THBS1: variants seen among roughly 807,000 people sequenced by gnomAD.
THBS1 encodes the protein thrombospondin 1, also known as thrombospondin-1.
In THBS1, 29 loss-of-function variants were observed where a neutral mutation model predicts 126.1. The ratio of observed to expected loss-of-function variants is 0.23; its 90% CI spans 0.17 to 0.31. The LOEUF (loss-of-function observed/expected upper bound fraction) is 0.31. Among genes scored for constraint, THBS1 ranks in the 10% least tolerant of loss-of-function variants. The probability of loss-of-function intolerance (pLI) is 1.00; values close to 1 mark genes in which losing one functional copy is unlikely to be tolerated. For synonymous variants in THBS1, 496 were observed against 577.8 expected, an observed-to-expected ratio of 0.86 and a Z score of 2.03; for missense variants, 1,198 against 1,545.2, an observed-to-expected ratio of 0.78 and a Z score of 3.77.
chr15:39,593,990 C>G lies in THBS1; in HGVS notation c.3268-109C>G. The G allele has an allele frequency of 1.6e-6, 2 of 1,223,980 alleles. No individual in the cohort carries two copies. The highest frequency in any genetic ancestry group is 1.1e-6 in the Non-Finnish European group (1 of 883,842). The allele number at this position is 1,223,980 out of a possible 1,614,324, so 75.8% of individuals were successfully genotyped here. ...TGGAAAAATTCCCCATTGCAGCCCT[C>G]TAACTTAGATCAGCTCAGTACCTTT... is the stretch of plus-strand genomic sequence containing the variant. On this transcript the variant is annotated intron_variant, in intron 19 of 21. Coordinates refer to ENST00000260356, the MANE Select transcript of THBS1 (RefSeq NM_003246.4). The surrounding 1 kb of genome is among the most constrained non-coding windows in gnomAD (Gnocchi z 5.9).
At position 39,594,232 on chromosome 15, in the gene THBS1, C is replaced by T. The variant is rs767988079; in HGVS notation, c.3365+36C>T. ...ACTGATTCACTTTCACTTACAGTCA[C>T]ACTGAGGGACAAAAAGACAAAAAGT... On this transcript the variant is annotated intron_variant, in intron 20 of 21. Coordinates refer to ENST00000260356, the MANE Select transcript of THBS1 (RefSeq NM_003246.4). The surrounding 1 kb of genome is among the most constrained non-coding windows in gnomAD (Gnocchi z 4.4). 2 of 1,613,708 alleles carry T rather than the reference C, an allele frequency of 1.2e-6. No homozygotes were observed. The highest frequency in any genetic ancestry group is 8.5e-7 in the Non-Finnish European group (1 of 1,179,686).
chr15:39,595,838 G>T lies in THBS1; in HGVS notation c.*469G>T, dbSNP rs1890428796. 2.2e-6 allele frequency: 1 copy of T among 458,444 alleles called. No individual in the cohort carries two copies. The highest frequency in any genetic ancestry group is 1.5e-5 in the South Asian group (1 of 64,582). The allele number at this position is 458,444 out of a possible 1,614,324, so 28.4% of individuals were successfully genotyped here. ...GCAGAGGCCAAAGCACTAAGGGGAG[G>T]GCGCATACCCGAGACGATTGTATGA... On this transcript the variant is annotated 3_prime_UTR_variant, in exon 22 of 22. Coordinates refer to ENST00000260356, the MANE Select transcript of THBS1 (RefSeq NM_003246.4).
At chr15:39,583,294 C>A (rs1313638770) in intron 3 of THBS1, among the ~76,000 whole-genome samples, 1 of 152,194 alleles carries the variant, frequency 6.6e-6, no homozygotes, top group Non-Finnish European at 1.5e-5. Context: ...TGGCTTTGAA[C>A]TCCCACATTT....
chr15:39,591,120 T>A lies in THBS1; in HGVS notation c.2254-71T>A, dbSNP rs865804045. 190 of 1,530,182 alleles carry A rather than the reference T, an allele frequency of 1.2e-4. No individual in the cohort carries two copies. The Middle Eastern group carries it at 1.4e-3, about 11-fold the overall frequency. The allele number at this position is 1,530,182 out of a possible 1,614,324, so 94.8% of individuals were successfully genotyped here. A position where few individuals can be genotyped will look rare whatever the true frequency, so the allele number is the denominator to read the frequency against. ...GATTTTCACAGTTTTAGACATATTATGCACATGGTTTGAGGCTTGAGCTGT... is the reference window on the plus strand; with the variant it reads ...GATTTTCACAGTTTTAGACATATTAAGCACATGGTTTGAGGCTTGAGCTGT... On this transcript the variant is annotated intron_variant, in intron 14 of 21. Coordinates refer to ENST00000260356, the MANE Select transcript of THBS1 (RefSeq NM_003246.4).
chr15:39,591,223 G>C lies in THBS1; in HGVS notation c.2286G>C (p.Gln762His), dbSNP rs749280837. 3 of 1,614,162 alleles carry C rather than the reference G, an allele frequency of 1.9e-6. No homozygotes were observed. Among genetic ancestry groups the C allele is most frequent in the Non-Finnish European group, 2.5e-6 (3 of 1,180,028 alleles). The part of the protein sequence containing the change: ...DNCPFHYNPA[Q>H]YDYDRDDVGD... ...GTCCATTCCATTACAACCCAGCTCAGTATGACTATGACAGAGATGATGTGG... is the reference window on the plus strand; with the variant it reads ...GTCCATTCCATTACAACCCAGCTCACTATGACTATGACAGAGATGATGTGG... The change falls in exon 15 of 22, where the codon CAG becomes CAC. Residue 762 changes from glutamine (Q) to histidine (H), a missense_variant. By Grantham distance (24) the Gln-to-His change is conservative (BLOSUM62 0). Coordinates refer to ENST00000260356, the MANE Select transcript of THBS1 (RefSeq NM_003246.4).
chr15:39,584,685 C>T lies in THBS1; in HGVS notation c.1026+263C>T, dbSNP rs116735353. On this transcript the variant is annotated intron_variant, in intron 6 of 21. Coordinates refer to ENST00000260356, the MANE Select transcript of THBS1 (RefSeq NM_003246.4). ...TAAGACATCTGAATAATTTACCTAC[C>T]TTAGTTCAAAGACTAAGTGTTGAAT... 9.3e-3 allele frequency among the ~76,000 whole-genome samples: 1,417 copies of T among 152,246 alleles called. 26 individuals carry two copies. Among genetic ancestry groups the T allele is most frequent in the African/African-American group, 0.032 (1,334 of 41,532 alleles).
chr15:39,589,940 A>T lies in THBS1; in HGVS notation c.2062A>T (p.Ile688Phe), dbSNP rs775398834. The part of the protein sequence containing the change: ...CKPGYAGNGI[I>F]CGEDTDLDGW... Reference sequence around the variant, plus strand: ...GCCTGGCTACGCTGGCAATGGCATCATCTGCGGGGAGGACACAGACCTGGA... The same window carrying T: ...GCCTGGCTACGCTGGCAATGGCATCTTCTGCGGGGAGGACACAGACCTGGA... The change falls in exon 13 of 22, where the codon ATC (isoleucine) becomes TTC (phenylalanine). Residue 688 changes from isoleucine (I) to phenylalanine (F), a missense_variant. This residue lies in a region of THBS1 where 663 missense variants were observed against 860.1 expected (regional missense o/e 0.77). Transcript: ENST00000260356. This position sits in a 1 kb window ranked among gnomAD's most constrained non-coding sequence, Gnocchi z 4.7. 2 of 1,614,142 alleles carry T rather than the reference A, an allele frequency of 1.2e-6. No homozygotes were observed. Among genetic ancestry groups the T allele is most frequent in the East Asian group, 4.5e-5 (2 of 44,876 alleles).
chr15:39,590,576 G>A lies in THBS1; in HGVS notation c.2206G>A (p.Asp736Asn). 2.5e-6 allele frequency: 4 copies of A among 1,613,926 alleles called. No homozygotes were observed. Among genetic ancestry groups the A allele is most frequent in the Non-Finnish European group, 3.4e-6 (4 of 1,179,970 alleles). Residue 736 changes from aspartate to asparagine, a missense_variant, in exon 14 of 22, where the codon GAT (aspartate) becomes AAT (asparagine). Transcript: ENST00000260356. ...QEDYDKDGIG[D>N]ACDDDDDNDK... ...AGACTATGACAAGGATGGAATTGGT[G>A]ATGCCTGTGATGATGACGATGACAA...
rs1017746076 is a variant in THBS1 at position 39,597,014 on chromosome 15, A to G, written c.*1645A>G. 7 of 152,242 alleles carry G rather than the reference A, an allele frequency of 4.6e-5. No individual in the cohort carries two copies. The highest frequency in any genetic ancestry group is 8.8e-5 in the Non-Finnish European group (6 of 68,044). The allele number at this position is 152,242 out of a possible 1,614,324, so 9.4% of individuals were successfully genotyped here. A position where few individuals can be genotyped will look rare whatever the true frequency, so the allele number is the denominator to read the frequency against. Reference sequence around the variant, plus strand: ...GTTGTACATAGCATAAAAACTCTGCAGAGAAGTATTCCCAATAAGGAAATA... The same window carrying G: ...GTTGTACATAGCATAAAAACTCTGCGGAGAAGTATTCCCAATAAGGAAATA... On this transcript the variant is annotated 3_prime_UTR_variant, in exon 22 of 22. Coordinates refer to ENST00000260356, the MANE Select transcript of THBS1 (RefSeq NM_003246.4).
At position 39,593,970 on chromosome 15, in the gene THBS1, A is replaced by T. The variant is rs940545251; in HGVS notation, c.3268-129A>T. 8 of 1,033,470 alleles carry T rather than the reference A, an allele frequency of 7.7e-6. No homozygotes were observed. The highest frequency in any genetic ancestry group is 9.7e-6 in the Non-Finnish European group (7 of 720,526). 64.0% of individuals were successfully genotyped at this position (1,033,470 alleles called of 1,614,324 possible). On this transcript the variant is annotated intron_variant, in intron 19 of 21. Transcript: ENST00000260356. The surrounding 1 kb of genome is among the most constrained non-coding windows in gnomAD (Gnocchi z 5.9). ...ACAACAAATATGAGAGGACTTGGAA[A>T]AATTCCCCATTGCAGCCCTCTAACT...
rs3138595 is a variant in THBS1 at position 39,581,639 on chromosome 15, C to CCTCTCTCTCTCTCTCTCTCTCTCT, written c.-29-184_-29-161dup. On this transcript the variant is annotated intron_variant, in intron 1 of 21. Transcript: ENST00000260356. ...TTAAAACCAGCATCTCTTTCCTCCA[C>CCTCTCTCTCTCTCTCTCTCTCTCT]CTCTCTCTCTCTCTCTCTCTCTCTC... The CCTCTCTCTCTCTCTCTCTCTCTCT allele has an allele frequency of 5.7e-4, 207 of 366,028 alleles. 3 individuals are homozygous for CCTCTCTCTCTCTCTCTCTCTCTCT. The highest frequency in any genetic ancestry group is 4.5e-3 in the African/African-American group (166 of 36,484). The allele number at this position is 366,028 out of a possible 1,614,324, so 22.7% of individuals were successfully genotyped here. A position where few individuals can be genotyped will look rare whatever the true frequency, so the allele number is the denominator to read the frequency against.
intron 6 of THBS1, 30 bp downstream of exon 6, chr15:39,584,452 A>C: frequency 6.2e-7 from 1 of 1,612,202 alleles, no homozygotes; most frequent in Non-Finnish European, 8.5e-7. Flanking sequence ...CAGAATAAGA[A>C]TCGACGGCTT....
At chr15:39,591,119 A>T in intron 14 of THBS1, 72 bp from the exon 15 acceptor site, 1 of 1,525,770 alleles carries the variant, frequency 6.6e-7, no homozygotes, top group Non-Finnish European at 9.0e-7. Flanking sequence ...TAGACATATT[A>T]TGCACATGGT....
At position 39,590,017 on chromosome 15, in the gene THBS1, C is replaced by G; in HGVS notation, c.2139C>G (p.Cys713Trp). Residue 713 changes from cysteine to tryptophan, a missense_variant, in exon 13 of 22, where the codon TGC becomes TGG. Cys to Trp is a radical substitution (Grantham distance 215). This residue lies in a region of THBS1 where 663 missense variants were observed against 860.1 expected (regional missense o/e 0.77). Coordinates refer to ENST00000260356, the MANE Select transcript of THBS1 (RefSeq NM_003246.4). ...LVCVANATYH[C>W]KKDNCPNLPN... ...GCGTGGCCAATGCGACTTACCACTG[C>G]AAAAAGGTAGAGCCAGGTCCTTTGT... is the stretch of plus-strand genomic sequence containing the variant. 1 of 1,596,280 alleles carries G rather than the reference C, an allele frequency of 6.3e-7. No individual in the cohort carries two copies. The highest frequency in any genetic ancestry group is 8.5e-7 in the Non-Finnish European group (1 of 1,171,754).
rs1205641480 is a variant in THBS1, at chr15:39,594,319, G to A, written c.3384G>A (p.Gly1128=). ...CCTGCAGAGTGGTGATGTATGAAGG[G>A]AAGAAAATCATGGCTGACTCAGGAC... is the stretch of plus-strand genomic sequence containing the variant. The part of the protein sequence containing the change: ...TGFIRVVMYE[G]KKIMADSGPI... Residue 1128 remains glycine, a synonymous_variant, in exon 21 of 22, where the codon GGG becomes GGA. Transcript: ENST00000260356. This position sits in a 1 kb window ranked among gnomAD's most constrained non-coding sequence, Gnocchi z 4.4. 1.2e-6 allele frequency: 2 copies of A among 1,614,188 alleles called. No homozygotes were observed.
intron 16 of THBS1, among the ~76,000 whole-genome samples, chr15:39,591,910 T>C (rs1366193960): frequency 1.3e-5 from 2 of 152,222 alleles, no homozygotes; most frequent in Non-Finnish European, 2.9e-5. Context: ...AGACAAATTA[T>C]ACAAAGCAGA....
chr15:39,587,711 G>A (rs907819734), intron 8 of THBS1, among the ~76,000 whole-genome samples, 191 bp downstream of exon 8: 1 of 152,218 alleles, frequency 6.6e-6, no homozygotes, highest in Non-Finnish European at 1.5e-5. Flanking sequence ...GCAACTTGGA[G>A]ATAATAATAG....
Position 39,593,765 on chromosome 15 carries a change from T to C in THBS1, c.3267+97T>C, listed in dbSNP as rs1370098816. ...GACCAAGACTCTGACCAGGGAGTCT[T>C]AGAAAGTTCCCAGCATCACCAGCTG... On this transcript the variant is annotated intron_variant, in intron 19 of 21. Coordinates refer to ENST00000260356, the MANE Select transcript of THBS1 (RefSeq NM_003246.4). This position sits in a 1 kb window ranked among gnomAD's most constrained non-coding sequence, Gnocchi z 5.9. 6.6e-7 allele frequency: 1 copy of C among 1,508,258 alleles called. No individual in the cohort carries two copies. Among genetic ancestry groups the C allele is most frequent in the East Asian group, 2.3e-5 (1 of 44,152 alleles). 93.4% of individuals were successfully genotyped at this position (1,508,258 alleles called of 1,614,324 possible).
In THBS1 at chr15:39,584,153, T is replaced by A; in HGVS notation, c.869T>A (p.Ile290Asn). Residue 290 changes from isoleucine (I) to asparagine (N), a missense_variant, in exon 5 of 22, where the codon ATT becomes AAT. Ile to Asn is a moderately radical substitution (Grantham distance 149). Around this residue, in one of 4 missense-constraint regions of THBS1, gnomAD observed 663 missense variants for 860.1 expected, o/e 0.77. Coordinates refer to ENST00000260356, the MANE Select transcript of THBS1 (RefSeq NM_003246.4). ...MVLELRGLRT[I>N]VTTLQDSIRK... Reference sequence around the variant, plus strand: ...CTGGAACTCAGGGGCCTGCGCACCATTGTGACCACGCTGCAGGACAGCATC... The same window carrying A: ...CTGGAACTCAGGGGCCTGCGCACCAATGTGACCACGCTGCAGGACAGCATC... 6.2e-7 allele frequency: 1 copy of A among 1,614,218 alleles called. No homozygotes were observed.
Sources: gnomAD v4.1 joint callset for allele counts (sites outside exome capture counted in the v4.1 genomes callset) on GRCh38, gnomAD v4.1.1 for gene constraint, gnomAD v4.1.1 regional missense constraint, Gnocchi (gnomAD v3.1) non-coding constraint, MANE v1.5 for transcripts, NCBI Gene and HGNC (gene_info 2026-07-23, HGNC 2026-07-21) for gene names.